Variants in LRRK1 observed in about 807,000 individuals in gnomAD.
The protein encoded by LRRK1 is leucine-rich repeat serine/threonine-protein kinase 1.
A neutral mutation model predicts 209.1 loss-of-function variants in LRRK1; 113 were observed. The ratio of observed to expected loss-of-function variants is 0.54; its 90% CI spans 0.46 to 0.63. LRRK1 has a LOEUF of 0.63. Ranked by LOEUF, LRRK1 falls within the 30% of genes least tolerant of loss-of-function variation. The pLI, the probability that LRRK1 is intolerant of heterozygous loss-of-function variation, is 0.00. For missense variants in LRRK1, 2,284 were observed against 2,632.2 expected, an observed-to-expected ratio of 0.87 and a Z score of 2.89; for synonymous variants, 1,144 against 1,099.7, an observed-to-expected ratio of 1.04 and a Z score of -0.80.
At chr15:101,040,145 C>A (rs933267967) in intron 20 of LRRK1, among the ~76,000 whole-genome samples, 2 of 152,188 alleles carry the variant, frequency 1.3e-5, no homozygotes, top group Admixed American at 1.3e-4. Flanking sequence ...TGGTGTTAGA[C>A]CTTCCTTAAC....
chr15:100,986,659 C>T (rs1330494134), intron 4 of LRRK1, among the ~76,000 whole-genome samples: 1 of 152,200 alleles, frequency 6.6e-6, no homozygotes, highest in Non-Finnish European at 1.5e-5. Context: ...ATGCCGAAAA[C>T]CTGGAGCCAA....
intron 4 of LRRK1, 118 bp from the exon 5 acceptor site, chr15:100,988,516 A>G (rs2031991155): frequency 1.1e-6 from 1 of 925,350 alleles, no homozygotes; most frequent in Non-Finnish European, 1.8e-6. Flanking sequence ...CCATGGTGCA[A>G]ATGTACCACA....
intron 23 of LRRK1, among the ~76,000 whole-genome samples, chr15:101,050,519 AG>A (rs1336980540): frequency 2.6e-5 from 4 of 151,444 alleles, no homozygotes; most frequent in African/African-American, 7.3e-5. Context: ...AGGCTGCCCG[AG>A]AGCCTCAGCC....
At position 101,061,164 on chromosome 15, in the gene LRRK1, C is replaced by CTT; in HGVS notation, c.4680-6_4680-5dup. On this transcript the variant is annotated splice_region_variant and splice_polypyrimidine_tract_variant and intron_variant, in intron 29 of 33. Coordinates refer to ENST00000388948, the MANE Select transcript of LRRK1 (RefSeq NM_024652.6). ...GGCACTGACAGCACAGTTTCTGCCA[C>CTT]TTACAGGAACTACACGGTGGTGAAC... 3 of 1,608,894 alleles carry CTT rather than the reference C, an allele frequency of 1.9e-6. No individual in the cohort carries two copies. Among genetic ancestry groups the CTT allele is most frequent in the Non-Finnish European group, 2.6e-6 (3 of 1,175,458 alleles).
At chr15:101,012,672 C>T (rs1160154684) in intron 10 of LRRK1, among the ~76,000 whole-genome samples, 1 of 152,128 alleles carries the variant, frequency 6.6e-6, no homozygotes, top group Non-Finnish European at 1.5e-5. Context: ...GCTTCAGCCC[C>T]CGGTCCTGCC....
In LRRK1 at chr15:101,053,009, G is replaced by T; in HGVS notation, c.3777G>T (p.Arg1259=). 1.9e-6 allele frequency: 3 copies of T among 1,613,104 alleles called. No homozygotes were observed. Among genetic ancestry groups the T allele is most frequent in the Non-Finnish European group, 2.5e-6 (3 of 1,179,516 alleles). The change falls in exon 25 of 34, where the codon CGG becomes CGT. Residue 1259 remains arginine, a synonymous_variant. Coordinates refer to ENST00000388948, the MANE Select transcript of LRRK1 (RefSeq NM_024652.6). Reference sequence around the variant, plus strand: ...GCGGCAGTGGCACCGTCATCTACCGGGCCCGGTACCAGGGCCAGCCTGTGG... The same window carrying T: ...GCGGCAGTGGCACCGTCATCTACCGTGCCCGGTACCAGGGCCAGCCTGTGG... ...GQGGSGTVIY[R]ARYQGQPVAV...
At chr15:101,066,573 C>A in intron 32 of LRRK1, 67 bp from the exon 33 acceptor site, 1 of 1,458,034 alleles carries the variant, frequency 6.9e-7, no homozygotes, top group Non-Finnish European at 9.6e-7. Context: ...TTCTGCACAC[C>A]GGCTTCACTC....
rs377385590 is a variant in LRRK1 at position 101,027,402 on chromosome 15, G to C, written c.2526+21G>C. The C allele has an allele frequency of 1.2e-6, 2 of 1,609,018 alleles. No individual in the cohort carries two copies. The highest frequency in any genetic ancestry group is 1.7e-6 in the Non-Finnish European group (2 of 1,178,122). On this transcript the variant is annotated intron_variant, in intron 18 of 33. Coordinates refer to ENST00000388948, the MANE Select transcript of LRRK1 (RefSeq NM_024652.6). This position sits in a 1 kb window ranked among gnomAD's most constrained non-coding sequence, Gnocchi z 5.1. ...GGCTGGTGGGTACCTTGCTGGTCCA[G>C]TTTAAACCAGTCTGCCTGCTTCCCA...
intron 11 of LRRK1, 126 bp from the exon 12 acceptor site, chr15:101,015,200 G>A: frequency 4.2e-6 from 3 of 722,746 alleles, no homozygotes; most frequent in Non-Finnish European, 7.2e-6. Flanking sequence ...GTGCGCCCCT[G>A]CCAGGCCCTG....
At chr15:101,033,783 C>T (rs1307882242) in intron 20 of LRRK1, among the ~76,000 whole-genome samples, 2 of 152,148 alleles carry the variant, frequency 1.3e-5, no homozygotes, top group Non-Finnish European at 1.5e-5. Context: ...TAAATACCCA[C>T]TAGTGGGATT....
chr15:101,065,862 G>C lies in LRRK1; in HGVS notation c.5425G>C (p.Glu1809Gln), dbSNP rs749480379. The change falls in exon 32 of 34, where the codon GAG (glutamate) becomes CAG (glutamine). Residue 1809 changes from glutamate (E) to glutamine (Q), a missense_variant. Around this residue, in one of 6 missense-constraint regions of LRRK1, gnomAD observed 643 missense variants for 695.9 expected, o/e 0.92. Transcript: ENST00000388948. ...ASHTANPKVP[E>Q]GDSIADVSIM... ...CCACACGGCCAACCCAAAGGTGCCT[G>C]AGGGGGACTCCATCGCGGACGTGAG... The C allele has an allele frequency of 6.2e-7, 1 of 1,614,144 alleles. No individual in the cohort carries two copies. The highest frequency in any genetic ancestry group is 1.1e-5 in the South Asian group (1 of 91,080).
intron 2 of LRRK1, among the ~76,000 whole-genome samples, chr15:100,963,874 G>A (rs1354254465): frequency 6.6e-6 from 1 of 152,144 alleles, no homozygotes; most frequent in Non-Finnish European, 1.5e-5. Context: ...ACTGTGTCAG[G>A]TGGACATAAC....
chr15:101,063,775 A>G (rs955644117), intron 31 of LRRK1, among the ~76,000 whole-genome samples: 5 of 151,732 alleles, frequency 3.3e-5, no homozygotes, highest in African/African-American at 9.7e-5. Context: ...CGCAAAATAC[A>G]TGAACTCTTC....
rs569676607 is a variant in LRRK1 at position 100,982,845 on chromosome 15, C to T, written c.262-683C>T. On this transcript the variant is annotated intron_variant, in intron 3 of 33. Transcript: ENST00000388948. ...TCCCCTTCCTCATGAAGCAGGTAGT[C>T]GAGAGCAGCAAATGCGAGCCACATG... Among the ~76,000 whole-genome samples, 253 of 152,300 alleles carry T rather than the reference C, an allele frequency of 1.7e-3. 1 individual carries two copies. Among genetic ancestry groups the T allele is most frequent in the African/African-American group, 5.8e-3 (242 of 41,548 alleles).
At chr15:100,966,558 A>C (rs1337005293) in intron 2 of LRRK1, among the ~76,000 whole-genome samples, 1 of 152,204 alleles carries the variant, frequency 6.6e-6, no homozygotes, top group Non-Finnish European at 1.5e-5. Flanking sequence ...CAATTTAAAT[A>C]AAGGTTAACC....
chr15:101,054,249 C>T (rs890285016), intron 26 of LRRK1, among the ~76,000 whole-genome samples: 1 of 152,222 alleles, frequency 6.6e-6, no homozygotes, highest in Admixed American at 6.5e-5. Context: ...GCTGGAATCA[C>T]CGGCATGAGC....
intron 17 of LRRK1, among the ~76,000 whole-genome samples, chr15:101,026,825 G>C (rs1040427918): frequency 6.6e-6 from 1 of 152,194 alleles, no homozygotes; most frequent in African/African-American, 2.4e-5. Context: ...TTGGTGCATG[G>C]GTCAGCCTGG....
chr15:100,979,163 A>C (rs140129394), intron 3 of LRRK1, among the ~76,000 whole-genome samples: 12 of 152,208 alleles, frequency 7.9e-5, no homozygotes, highest in Admixed American at 7.8e-4. Context: ...CAATTGATAC[A>C]GAAAAAAATT....
intron 11 of LRRK1, among the ~76,000 whole-genome samples, chr15:101,014,921 T>C (rs1386480360): frequency 1.3e-5 from 2 of 152,234 alleles, no homozygotes; most frequent in Non-Finnish European, 2.9e-5. Flanking sequence ...CTGGAGAATC[T>C]TGTCTCTCAC....
Sources: allele counts gnomAD v4.1 joint callset (sites outside exome capture counted in the v4.1 genomes callset), GRCh38; gene constraint gnomAD v4.1.1; regional missense constraint gnomAD v4.1.1; non-coding constraint Gnocchi (gnomAD v3.1); transcripts MANE v1.5; gene names NCBI Gene and HGNC (gene_info 2026-07-23, HGNC 2026-07-21).